COL9A1: variants seen among roughly 807,000 people sequenced by gnomAD.
COL9A1 encodes the protein collagen type IX alpha 1 chain, also known as collagen alpha-1(IX) chain.
Under a neutral mutation model 142.6 loss-of-function variants are expected in COL9A1, and 104 were observed. The ratio of observed to expected loss-of-function variants is 0.73; its 90% CI spans 0.62 to 0.86. The LOEUF (loss-of-function observed/expected upper bound fraction) is 0.86, where lower values mean the gene tolerates loss of function less well. Among genes scored for constraint, COL9A1 ranks in the 40% least tolerant of loss-of-function variants. The pLI is 0.00. For synonymous variants in COL9A1, 466 were observed against 396.0 expected (o/e 1.18, Z -2.10); for missense variants, 1,210 against 1,176.6 (o/e 1.03, Z -0.42).
chr6:70,275,173 A>C, intron 10 of COL9A1: 2 of 225,370 alleles, frequency 8.9e-6, no homozygotes, highest in South Asian at 1.4e-4. Context: ...TATGAAACAA[A>C]AATACTATGT....
At chr6:70,302,686 G>A (rs1314555881) in intron 1 of COL9A1, among the ~76,000 whole-genome samples, 1 of 151,288 alleles carries the variant, frequency 6.6e-6, no homozygotes, top group African/African-American at 2.4e-5. Context: ...TTTTTCTGTG[G>A]CCGTCACTTT....
Position 70,235,436 on chromosome 6 carries a change from T to C in COL9A1, c.2113-496A>G, listed in dbSNP as rs555936936. On this transcript the variant is annotated intron_variant, in intron 33 of 37. Coordinates refer to ENST00000357250, the MANE Select transcript of COL9A1 (RefSeq NM_001851.6). The stretch of plus-strand genomic sequence containing the variant: ...CCACTGTACTCCAGCCTGGGCAACA[T>C]AGTAAGACTCCGTCTCAAAAATTAT... Among the ~76,000 whole-genome samples, 11 of 151,962 alleles carry C rather than the reference T, an allele frequency of 7.2e-5. No homozygotes were observed. In the South Asian group the frequency reaches 2.3e-3, roughly 32 times the overall value.
chr6:70,286,569 A>T (rs1462313131), intron 5 of COL9A1, among the ~76,000 whole-genome samples: 1 of 152,214 alleles, frequency 6.6e-6, no homozygotes, highest in Non-Finnish European at 1.5e-5. Flanking sequence ...TGTTTCATTA[A>T]GCTTTTGTCT....
At chr6:70,248,473 A>G (rs1428662228) in intron 28 of COL9A1, among the ~76,000 whole-genome samples, 1 of 152,216 alleles carries the variant, frequency 6.6e-6, no homozygotes, top group Non-Finnish European at 1.5e-5. Context: ...AGCTTGTTTT[A>G]GATTTGCAGG....
Position 70,247,883 on chromosome 6 carries a change from T to C in COL9A1, c.1872+4237A>G, listed in dbSNP as rs993223491. ...CAGAGGAAACATGCCAGTGCCTAGA[T>C]GGAGTGGGAGGGTGGCTTAGATCTT... On this transcript the variant is annotated intron_variant, in intron 28 of 37. Transcript: ENST00000357250. Among the ~76,000 whole-genome samples, 7 of 152,246 alleles carry C rather than the reference T, an allele frequency of 4.6e-5. No individual in the cohort carries two copies. In the East Asian group the frequency reaches 5.8e-4, roughly 13 times the overall value.
chr6:70,256,803 C>T lies in COL9A1; in HGVS notation c.1468G>A (p.Gly490Ser). 1.9e-6 allele frequency: 3 copies of T among 1,613,190 alleles called. No homozygotes were observed. The highest frequency in any genetic ancestry group is 2.5e-6 in the Non-Finnish European group (3 of 1,179,840). ...GGAAGACCCTGAGGCCCAGGTTCAC[C>T]ATCTAAGCCCCGAGCACCCTGCAAA... ...KGEKGARGLD[G>S]EPGPQGLPGA... Residue 490 changes from glycine to serine, a missense_variant, in exon 21 of 38, where the codon GGT becomes AGT. Transcript: ENST00000357250.
At chr6:70,292,700 A>G (rs191367031) in intron 5 of COL9A1, among the ~76,000 whole-genome samples, 45 of 152,308 alleles carry the variant, frequency 3.0e-4, no homozygotes, top group African/African-American at 9.9e-4. Context: ...TACTTGACTG[A>G]TGTTTGTAAC....
chr6:70,292,426 T>C (rs188408355), intron 5 of COL9A1, among the ~76,000 whole-genome samples: 3 of 152,294 alleles, frequency 2.0e-5, no homozygotes, highest in Admixed American at 1.3e-4. Context: ...GCCAGGTTTC[T>C]GGTTACACTC....
chr6:70,253,384 C>T lies in COL9A1; in HGVS notation c.1764+1G>A. On this transcript the variant is annotated splice_donor_variant, in intron 26 of 37. Transcript: ENST00000357250. LOFTEE classifies it high-confidence loss of function. ...TTAACTTAAATTTTAAAATATTTTA[C>T]CTTTTCACCAGCAACACCCTTTGCA... 1 of 1,588,374 alleles carries T rather than the reference C, an allele frequency of 6.3e-7. No homozygotes were observed. Among genetic ancestry groups the T allele is most frequent in the Non-Finnish European group, 8.6e-7 (1 of 1,158,858 alleles).
rs547705560 is a variant in COL9A1, at chr6:70,249,936, CT to C, written c.1872+2183del. ...CACAACAAGTGCTCAGTCAATGTTC[CT>C]TTAACTATATAGAGCTTTCTGCTCT... On this transcript the variant is annotated intron_variant, in intron 28 of 37. Transcript: ENST00000357250. 9.9e-5 allele frequency among the ~76,000 whole-genome samples: 15 copies of C among 152,208 alleles called. No homozygotes were observed. The South Asian group carries it at 2.9e-3, about 29-fold the overall frequency.
Position 70,216,636 on chromosome 6 carries a change from A to T in COL9A1, c.*261T>A. 1 of 498,926 alleles carries T rather than the reference A, an allele frequency of 2.0e-6. No individual in the cohort carries two copies. The highest frequency in any genetic ancestry group is 3.6e-6 in the Non-Finnish European group (1 of 275,338). The allele number at this position is 498,926 out of a possible 1,614,324, so 30.9% of individuals were successfully genotyped here. Reference sequence around the variant, plus strand: ...GGGAACAGGAGTATAAATTTATTCAAGGGAGGTGTTTGGTTTTCTTTTTTT... The same window carrying T: ...GGGAACAGGAGTATAAATTTATTCATGGGAGGTGTTTGGTTTTCTTTTTTT... On this transcript the variant is annotated 3_prime_UTR_variant, in exon 38 of 38. Transcript: ENST00000357250.
At chr6:70,247,685 C>T (rs1186553516) in intron 28 of COL9A1, among the ~76,000 whole-genome samples, 1 of 152,184 alleles carries the variant, frequency 6.6e-6, no homozygotes, top group African/African-American at 2.4e-5. Flanking sequence ...AGTCCTACTA[C>T]AATGATAACA....
chr6:70,263,739 C>G (rs1030285786), intron 18 of COL9A1, among the ~76,000 whole-genome samples: 1 of 151,662 alleles, frequency 6.6e-6, no homozygotes, highest in Non-Finnish European at 1.5e-5. Context: ...TATTTTTCAT[C>G]GTGATTTTTA....
At chr6:70,229,828 T>C (rs1372313451) in intron 36 of COL9A1, among the ~76,000 whole-genome samples, 1 of 152,206 alleles carries the variant, frequency 6.6e-6, no homozygotes, top group Non-Finnish European at 1.5e-5. Flanking sequence ...AGAAAAATTA[T>C]AGATATAACC....
chr6:70,279,666 A>AAAAAAAAAAACAAAAC (rs1562322878), intron 10 of COL9A1: 1 of 170,740 alleles, frequency 5.9e-6, no homozygotes, highest in African/African-American at 2.6e-5. Context: ...AAAAAAAAAA[A>AAAAAAAAAAACAAAAC]AAAACACATA....
At chr6:70,265,944 G>C (rs1771982777) in intron 18 of COL9A1, among the ~76,000 whole-genome samples, 1 of 152,054 alleles carries the variant, frequency 6.6e-6, no homozygotes. Flanking sequence ...CAATAAAGGG[G>C]TAGAAGGACA....
chr6:70,273,983 C>T (rs758007478), intron 12 of COL9A1, 64 bp downstream of exon 12: 1 of 928,700 alleles, frequency 1.1e-6, no homozygotes, highest in Non-Finnish European at 1.5e-6. Flanking sequence ...AAAAAGATTT[C>T]ACAATGGCAG....
At chr6:70,236,629 C>T (rs533968478) in intron 33 of COL9A1, among the ~76,000 whole-genome samples, 131 of 152,230 alleles carry the variant, frequency 8.6e-4, no homozygotes, top group African/African-American at 3.0e-3. Context: ...TAAAGCTCAG[C>T]AAATGTGCTT....
At chr6:70,233,243 C>T (rs1769669963) in intron 35 of COL9A1, among the ~76,000 whole-genome samples, 2 of 152,196 alleles carry the variant, frequency 1.3e-5, no homozygotes, top group South Asian at 4.1e-4. Context: ...TTTGAGACCT[C>T]GCCTCACATT....
Sources: gnomAD v4.1 joint callset for allele counts (sites outside exome capture counted in the v4.1 genomes callset) on GRCh38, gnomAD v4.1.1 for gene constraint, MANE v1.5 for transcripts, NCBI Gene and HGNC (gene_info 2026-07-23, HGNC 2026-07-21) for gene names.